The following MBNL2 variants were observed in gnomAD, a reference collection of about 807,000 sequenced individuals.
The protein encoded by MBNL2 is muscleblind like splicing regulator 2.
MBNL2 carries 17 observed loss-of-function variants against 41.9 expected under a neutral mutation model. The ratio of observed to expected loss-of-function variants is 0.41; its 90% confidence interval spans 0.28 to 0.61. MBNL2 has a LOEUF of 0.61. Among genes scored for constraint, MBNL2 ranks in the 20% least tolerant of loss-of-function variants. MBNL2 has a pLI of 0.35. For synonymous variants in MBNL2, 195 were observed against 182.9 expected (o/e 1.07, Z -0.53); for missense variants, 336 against 505.6 (o/e 0.66, Z 3.22).
the MBNL2 span, among the ~76,000 whole-genome samples, chr13:97,183,406 C>A: frequency 6.6e-6 from 1 of 152,198 alleles, no homozygotes; most frequent in Non-Finnish European, 1.5e-5. Context: ...CCAGTGCACT[C>A]ATAAAATGTC....
intron 8 of MBNL2, among the ~76,000 whole-genome samples, chr13:97,373,412 G>T (rs2064590176): frequency 6.6e-6 from 1 of 151,552 alleles, no homozygotes; most frequent in South Asian, 2.1e-4. Flanking sequence ...GAGAGAGAGA[G>T]TAGAGAGAGA....
intron 4 of MBNL2, among the ~76,000 whole-genome samples, chr13:97,345,117 G>A (rs1434715068): frequency 6.6e-6 from 1 of 152,174 alleles, no homozygotes; most frequent in Non-Finnish European, 1.5e-5. Context: ...GGTGATTTAT[G>A]CTATCTACCT....
intron 2 of MBNL2, 136 bp downstream of exon 2, chr13:97,276,545 T>C (rs917037526): frequency 2.4e-6 from 2 of 831,730 alleles, no homozygotes; most frequent in Non-Finnish European, 3.8e-6. Context: ...TGTTGGGAGA[T>C]TTTTCACTCA....
the MBNL2 span, among the ~76,000 whole-genome samples, chr13:97,194,780 C>A: frequency 6.6e-6 from 1 of 152,188 alleles, no homozygotes; most frequent in African/African-American, 2.4e-5. Flanking sequence ...AATGCATTAA[C>A]ATGCTAAAAG....
chr13:97,172,360 T>G, the MBNL2 span: 1 of 152,222 alleles, frequency 6.6e-6, no homozygotes, highest in African/African-American at 2.4e-5. Flanking sequence ...CATTCTGATT[T>G]GGATGTCAAA....
Position 97,276,113 on chromosome 13 carries a change from C to A in MBNL2, c.-123C>A. The stretch of plus-strand genomic sequence containing the variant: ...GTTCCTTGGATTGGACTTCACTAAG[C>A]AATTTATCACTCACCTTCAGACTTA... On this transcript the variant is annotated 5_prime_UTR_variant, in exon 2 of 9. Coordinates refer to ENST00000679496, the MANE Select transcript of MBNL2 (RefSeq NM_001382683.1). 1 of 716,268 alleles carries A rather than the reference C, an allele frequency of 1.4e-6. No individual in the cohort carries two copies. Among genetic ancestry groups the A allele is most frequent in the Non-Finnish European group, 2.4e-6 (1 of 419,750 alleles). 44.4% of individuals were successfully genotyped at this position (716,268 alleles called of 1,614,324 possible).
At chr13:97,277,258 A>G (rs1472902879) in intron 2 of MBNL2, among the ~76,000 whole-genome samples, 1 of 152,216 alleles carries the variant, frequency 6.6e-6, no homozygotes, top group African/African-American at 2.4e-5. Flanking sequence ...GGGTGTATTC[A>G]GCCCTAACAT....
intron 1 of MBNL2, among the ~76,000 whole-genome samples, chr13:97,271,112 G>GTTTTTTTTTTTTTTTTTTTT (rs369155404): frequency 1.5e-5 from 2 of 133,396 alleles, no homozygotes; most frequent in Non-Finnish European, 3.2e-5. Flanking sequence ...GCTCTTTTTT[G>GTTTTTTTTTTTTTTTTTTTT]TTTTTTTTTT....
upstream of MBNL2, among the ~76,000 whole-genome samples, chr13:97,220,738 A>G (rs1267261912): frequency 6.6e-6 from 1 of 152,156 alleles, no homozygotes; most frequent in African/African-American, 2.4e-5. Context: ...TGGGAGGGAA[A>G]ATCAACAAGG....
chr13:97,344,280 GTA>G (rs1205070411), intron 4 of MBNL2, among the ~76,000 whole-genome samples: 11 of 152,160 alleles, frequency 7.2e-5, no homozygotes, highest in Non-Finnish European at 1.3e-4. Flanking sequence ...ACTCATCTAT[GTA>G]TCTTACTGCT....
chr13:97,182,139 G>A, the MBNL2 span, among the ~76,000 whole-genome samples: 1 of 152,160 alleles, frequency 6.6e-6, no homozygotes, highest in East Asian at 1.9e-4. Flanking sequence ...ATAGGATGCT[G>A]CCACAAAAGT....
At chr13:97,368,183 G>T (rs918771446) in intron 8 of MBNL2, among the ~76,000 whole-genome samples, 5 of 152,146 alleles carry the variant, frequency 3.3e-5, no homozygotes, top group African/African-American at 1.2e-4. Context: ...GCCGAGGGAG[G>T]AGCATCACTT....
the MBNL2 span, among the ~76,000 whole-genome samples, chr13:97,208,900 C>A: frequency 1.3e-5 from 2 of 152,070 alleles, no homozygotes; most frequent in African/African-American, 2.4e-5. Context: ...CTGCATGCAA[C>A]CTTCATGGTC....
At chr13:97,388,314 CATAT>C (rs34389348) in intron 8 of MBNL2, among the ~76,000 whole-genome samples, 1,719 of 139,718 alleles carry the variant, frequency 0.012, 41 homozygotes, top group African/African-American at 0.043. Flanking sequence ...TACATACATA[CATAT>C]ATATATATAT....
chr13:97,165,387 A>G, the MBNL2 span, among the ~76,000 whole-genome samples: 3 of 152,094 alleles, frequency 2.0e-5, no homozygotes, highest in Non-Finnish European at 1.5e-5. Flanking sequence ...GTTAAACTCT[A>G]TTATCTAAAG....
At chr13:97,367,581 A>G (rs1182356685) in intron 8 of MBNL2, among the ~76,000 whole-genome samples, 1 of 152,166 alleles carries the variant, frequency 6.6e-6, no homozygotes, top group African/African-American at 2.4e-5. Context: ...TGCTTTCCAC[A>G]TTCAAGTGAA....
chr13:97,232,228 C>T (rs753111462), intron 1 of MBNL2, among the ~76,000 whole-genome samples: 1 of 152,256 alleles, frequency 6.6e-6, no homozygotes, highest in Non-Finnish European at 1.5e-5. Flanking sequence ...TTTCAGATGC[C>T]TTGTTTTCCT....
At chr13:97,372,187 G>A (rs1257267682) in intron 8 of MBNL2, among the ~76,000 whole-genome samples, 3 of 152,156 alleles carry the variant, frequency 2.0e-5, no homozygotes, top group African/African-American at 7.2e-5. Flanking sequence ...TTTTTACGGA[G>A]CATCACAAGA....
Position 97,344,648 on chromosome 13 carries a change from T to C in MBNL2, c.540+1432T>C, listed in dbSNP as rs375128833. Among the ~76,000 whole-genome samples the C allele has an allele frequency of 1.4e-4, 21 of 152,354 alleles. No homozygotes were observed. In the South Asian group the frequency reaches 3.9e-3, roughly 29 times the overall value. ...AGAATGGAAACTCTAATTGTTACTA[T>C]TTTGAAAAGATCCAGCCTACCCTTG... On this transcript the variant is annotated intron_variant, in intron 4 of 8. Transcript: ENST00000679496.
Sources: gnomAD v4.1 joint callset for allele counts (sites outside exome capture counted in the v4.1 genomes callset) on GRCh38, gnomAD v4.1.1 for gene constraint, MANE v1.5 for transcripts, NCBI Gene and HGNC (gene_info 2026-07-23, HGNC 2026-07-21) for gene names.